GEMIN2: variants seen among roughly 807,000 people sequenced by gnomAD.
GEMIN2 encodes the protein gem nuclear organelle associated protein 2.
In GEMIN2, 37 loss-of-function variants were observed where a neutral mutation model predicts 45.8. The observed-to-expected ratio is 0.81, with a 90% CI of 0.62 to 1.06. The LOEUF (loss-of-function observed/expected upper bound fraction) is 1.06. Ranked by LOEUF, GEMIN2 falls within the 50% of genes least tolerant of loss-of-function variation. The pLI is 0.00. For missense variants in GEMIN2, 335 were observed against 321.8 expected (o/e 1.04, Z -0.31); for synonymous variants, 101 against 111.5 (o/e 0.91, Z 0.60).
In GEMIN2 at chr14:39,122,416, T is replaced by G. The variant is rs753024033; in HGVS notation, c.373-14T>G. On this transcript the variant is annotated splice_polypyrimidine_tract_variant and intron_variant, in intron 4 of 9. Coordinates refer to ENST00000308317, the MANE Select transcript of GEMIN2 (RefSeq NM_003616.3). Reference sequence around the variant, plus strand: ...ATACACAGGAATAAATCAGTTTTTTTTTTTTTCTTTTAGCCAAAATCTGAA... The same window carrying G: ...ATACACAGGAATAAATCAGTTTTTTGTTTTTTCTTTTAGCCAAAATCTGAA... 1 of 1,344,032 alleles carries G rather than the reference T, an allele frequency of 7.4e-7. No individual in the cohort carries two copies. The highest frequency in any genetic ancestry group is 1.2e-5 in the South Asian group (1 of 80,584). The allele number at this position is 1,344,032 out of a possible 1,614,324, so 83.3% of individuals were successfully genotyped here.
chr14:39,127,336 G>GTTTTTTTTTTTTTTT (rs760931815), intron 6 of GEMIN2, among the ~76,000 whole-genome samples: 1 of 56,044 alleles, frequency 1.8e-5, no homozygotes, highest in Non-Finnish European at 3.3e-5. Flanking sequence ...GTGTGCCATT[G>GTTTTTTTTTTTTTTT]TTTTTTTTTT....
At chr14:39,121,603 G>A (rs1434561813) in intron 4 of GEMIN2, among the ~76,000 whole-genome samples, 1 of 152,164 alleles carries the variant, frequency 6.6e-6, no homozygotes, top group Non-Finnish European at 1.5e-5. Flanking sequence ...ATGTTTGTCA[G>A]GGCTGCCATA....
intron 7 of GEMIN2, among the ~76,000 whole-genome samples, chr14:39,128,655 TTTTTTTG>T (rs1049943440): frequency 9.9e-5 from 15 of 151,564 alleles, no homozygotes; most frequent in South Asian, 2.1e-4. Flanking sequence ...CACGCCCAGT[TTTTTTTG>T]TTTTTTGTTT....
At position 39,118,830 on chromosome 14, in the gene GEMIN2, T is replaced by C. The variant is rs571808841; in HGVS notation, c.372+231T>C. Among the ~76,000 whole-genome samples the C allele has an allele frequency of 2.0e-5, 3 of 150,582 alleles. No homozygotes were observed. In the South Asian group the frequency reaches 6.4e-4, roughly 32 times the overall value. ...CAGGGTCTTGCTCTGTCTCCCAGGC[T>C]AGAGTGCAGTCATGGCTCACTGCAG... On this transcript the variant is annotated intron_variant, in intron 4 of 9. Transcript: ENST00000308317.
At chr14:39,126,794 T>A (rs974735085) in intron 6 of GEMIN2, among the ~76,000 whole-genome samples, 12 of 152,228 alleles carry the variant, frequency 7.9e-5, no homozygotes, top group African/African-American at 2.2e-4. Context: ...TGAGAGGGAG[T>A]CTCGCTCTGT....
intron 1 of GEMIN2, 37 bp downstream of exon 1, chr14:39,114,512 C>T (rs1215042407): frequency 6.6e-7 from 1 of 1,521,634 alleles, no homozygotes. Flanking sequence ...GGCTGGTCTT[C>T]TGCCCTGCCC....
chr14:39,128,485 C>CTTTTTTTTTTTTTTTT (rs71130820), intron 7 of GEMIN2, 137 bp downstream of exon 7: 18 of 148,484 alleles, frequency 1.2e-4, no homozygotes, highest in African/African-American at 2.1e-4. Flanking sequence ...TTTTTCTTTT[C>CTTTTTTTTTTTTTTTT]TTTTTTTTTT....
chr14:39,133,562 A>G, intron 8 of GEMIN2, 99 bp from the exon 9 acceptor site: 1 of 581,834 alleles, frequency 1.7e-6, no homozygotes, highest in South Asian at 2.5e-5. Flanking sequence ...CTGTCATATA[A>G]TAAAGTTTTC....
At chr14:39,117,537 T>C (rs987286226) in intron 2 of GEMIN2, among the ~76,000 whole-genome samples, 1 of 152,228 alleles carries the variant, frequency 6.6e-6, no homozygotes, top group Non-Finnish European at 1.5e-5. Context: ...ATTCAAATCT[T>C]CTAGCTGTTT....
In GEMIN2 at chr14:39,128,286, GTAAC is replaced by G. The variant is rs2052670679; in HGVS notation, c.541_544del (p.Thr181ValfsTer6). 2.0e-6 allele frequency: 3 copies of G among 1,535,428 alleles called. No homozygotes were observed. The highest frequency in any genetic ancestry group is 2.7e-6 in the Non-Finnish European group (3 of 1,121,610). On this transcript the variant is annotated frameshift_variant, in exon 7 of 10. Coordinates refer to ENST00000308317, the MANE Select transcript of GEMIN2 (RefSeq NM_003616.3). LOFTEE classifies it high-confidence loss of function. ...CCCCTCTTTTTTTTTTTAGGCAACA[GTAAC>G]TAGTGTCTTGGAATATCTGAGTAAT...
Position 39,118,393 on chromosome 14 carries a change from G to A in GEMIN2, c.313-147G>A, listed in dbSNP as rs1322182906. ...ACTTGTCACCCAAGTAGTGTACTCT[G>A]TACCCAATACATGGTCTTTTACATC... On this transcript the variant is annotated intron_variant, in intron 3 of 9. Transcript: ENST00000308317. The A allele has an allele frequency of 1.2e-5, 7 of 601,590 alleles. No individual in the cohort carries two copies. In the Admixed American group the frequency reaches 1.6e-4, roughly 14 times the overall value. The allele number at this position is 601,590 out of a possible 1,614,324, so 37.3% of individuals were successfully genotyped here.
chr14:39,124,831 G>A (rs982990873), intron 5 of GEMIN2, among the ~76,000 whole-genome samples, 161 bp from the exon 6 acceptor site: 1 of 151,656 alleles, frequency 6.6e-6, no homozygotes, highest in African/African-American at 2.4e-5. Context: ...TACAAACATA[G>A]TAGTTTCCGG....
rs1212260025 is a variant in GEMIN2, at chr14:39,128,067, CAAAAAAAA to C, written c.532-194_532-187del. Among the ~76,000 whole-genome samples the C allele has an allele frequency of 2.8e-4, 3 of 10,552 alleles. No individual in the cohort carries two copies. The South Asian group carries it at 0.011, about 39-fold the overall frequency. The allele number at this position is 10,552 out of a possible 152,430, so 6.9% of individuals were successfully genotyped here. ...TGGGCAACAGAGTGAGACTCTATCT[CAAAAAAAA>C]AAAAAAAAAAAAAAAAAAGCCTCAT... On this transcript the variant is annotated intron_variant, in intron 6 of 9. Coordinates refer to ENST00000308317, the MANE Select transcript of GEMIN2 (RefSeq NM_003616.3).
At chr14:39,131,919 G>A in intron 7 of GEMIN2, 39 bp from the exon 8 acceptor site, 1 of 939,542 alleles carries the variant, frequency 1.1e-6, no homozygotes, top group Non-Finnish European at 1.7e-6. Context: ...TTCTGGTTCA[G>A]TATTTGTCTA....
intron 1 of GEMIN2, among the ~76,000 whole-genome samples, 175 bp from the exon 2 acceptor site, chr14:39,114,654 C>G (rs2052478534): frequency 6.6e-6 from 1 of 152,148 alleles, no homozygotes; most frequent in Non-Finnish European, 1.5e-5. Context: ...GATGTGTGCT[C>G]TTAGATTTGT....
intron 8 of GEMIN2, among the ~76,000 whole-genome samples, chr14:39,133,454 C>T (rs1397197435): frequency 6.7e-6 from 1 of 150,166 alleles, no homozygotes; most frequent in Non-Finnish European, 1.5e-5. Flanking sequence ...TATTCAGAAT[C>T]TTTATTTAAA....
Position 39,132,086 on chromosome 14 carries a change from G to A in GEMIN2, c.711+18G>A. 1 of 1,182,012 alleles carries A rather than the reference G, an allele frequency of 8.5e-7. No homozygotes were observed. Among genetic ancestry groups the A allele is most frequent in the South Asian group, 1.3e-5 (1 of 79,664 alleles). The allele number at this position is 1,182,012 out of a possible 1,614,324, so 73.2% of individuals were successfully genotyped here. ...TCTTAGTGGTAAGTTGCAACTTACT[G>A]TTTAAAATTAAAAGCACCCACCAAT... is the stretch of plus-strand genomic sequence containing the variant. On this transcript the variant is annotated intron_variant, in intron 8 of 9. Transcript: ENST00000308317.
chr14:39,124,656 C>G (rs1363330862), intron 5 of GEMIN2, among the ~76,000 whole-genome samples: 1 of 151,950 alleles, frequency 6.6e-6, no homozygotes, highest in Non-Finnish European at 1.5e-5. Context: ...ACCTGTGGTC[C>G]TAGCTACTCG....
intron 7 of GEMIN2, among the ~76,000 whole-genome samples, chr14:39,131,299 A>G (rs1008556062): frequency 1.3e-5 from 2 of 151,800 alleles, no homozygotes; most frequent in Non-Finnish European, 2.9e-5. Flanking sequence ...CTCTGTCTCA[A>G]AAAAAAAGAA....
Sources: allele counts gnomAD v4.1 joint callset (sites outside exome capture counted in the v4.1 genomes callset), GRCh38; gene constraint gnomAD v4.1.1; transcripts MANE v1.5; gene names NCBI Gene and HGNC (gene_info 2026-07-23, HGNC 2026-07-21).